The following PPARGC1A variants were observed in gnomAD, a reference collection of about 807,000 sequenced individuals.
PPARGC1A encodes peroxisome proliferator-activated receptor gamma coactivator 1-alpha.
In PPARGC1A, 25 loss-of-function variants were observed where a neutral mutation model predicts 88.7. That is an observed-to-expected ratio of 0.28 (90% CI 0.21 to 0.39). The LOEUF (loss-of-function observed/expected upper bound fraction) is 0.39, where lower values mean the gene tolerates loss of function less well. PPARGC1A is among the 10% of genes least tolerant of loss of function. The pLI, the probability that PPARGC1A is intolerant of heterozygous loss-of-function variation, is 1.00. For synonymous variants in PPARGC1A, 363 were observed against 355.6 expected, an observed-to-expected ratio of 1.02 and a Z score of -0.24; for missense variants, 880 against 968.7, an observed-to-expected ratio of 0.91 and a Z score of 1.22.
At chr4:23,918,856 A>C in the PPARGC1A span, among the ~76,000 whole-genome samples, 1 of 152,208 alleles carries the variant, frequency 6.6e-6, no homozygotes, top group Non-Finnish European at 1.5e-5. Context: ...TAAAGATAGG[A>C]GCAAGCGGCC....
chr4:24,387,826 G>GAA, the PPARGC1A span, among the ~76,000 whole-genome samples: 724 of 52,796 alleles, frequency 0.014, 30 homozygotes, highest in Admixed American at 0.02. Flanking sequence ...GAAAGAAAGA[G>GAA]AGAAAGAGAG....
chr4:23,852,629 G>GC (rs1560446362), intron 2 of PPARGC1A, among the ~76,000 whole-genome samples: 1 of 150,386 alleles, frequency 6.6e-6, no homozygotes, highest in Non-Finnish European at 1.5e-5. Flanking sequence ...AGTTTTCTCC[G>GC]TTTTTTTTTC....
intron 2 of PPARGC1A, among the ~76,000 whole-genome samples, chr4:23,843,049 T>C (rs531450540): frequency 2.0e-5 from 3 of 152,262 alleles, no homozygotes; most frequent in South Asian, 4.1e-4. Context: ...GGTTATTCAC[T>C]TCCCGAATTT....
At chr4:24,032,828 C>G in the PPARGC1A span, among the ~76,000 whole-genome samples, 1 of 152,206 alleles carries the variant, frequency 6.6e-6, no homozygotes, top group Admixed American at 6.5e-5. Flanking sequence ...CTGAGCCCAG[C>G]ACAGACCACA....
At chr4:24,439,512 T>C in the PPARGC1A span, among the ~76,000 whole-genome samples, 56 of 152,200 alleles carry the variant, frequency 3.7e-4, no homozygotes, top group Non-Finnish European at 1.8e-4. Context: ...TTAAAAGTCA[T>C]TCAAGGAGTA....
the PPARGC1A span, among the ~76,000 whole-genome samples, chr4:24,317,540 C>T: frequency 9.3e-6 from 1 of 108,042 alleles, no homozygotes; most frequent in Non-Finnish European, 1.8e-5. Context: ...TTGAGGAGCC[C>T]AGTGTTCAGA....
At chr4:24,055,808 G>A in the PPARGC1A span, among the ~76,000 whole-genome samples, 2 of 151,992 alleles carry the variant, frequency 1.3e-5, no homozygotes, top group African/African-American at 4.8e-5. Context: ...AAGCATTGCT[G>A]TACCCTCCTA....
the PPARGC1A span, among the ~76,000 whole-genome samples, chr4:24,414,035 C>A: frequency 6.6e-6 from 1 of 152,164 alleles, no homozygotes; most frequent in Non-Finnish European, 1.5e-5. Flanking sequence ...GTCTCCAAAG[C>A]CCATGCTCTG....
chr4:24,054,911 C>A, the PPARGC1A span, among the ~76,000 whole-genome samples: 10 of 152,180 alleles, frequency 6.6e-5, no homozygotes, highest in Non-Finnish European at 1.3e-4. Flanking sequence ...GTAATAAGCA[C>A]AATATTACTA....
At chr4:24,202,671 G>A in the PPARGC1A span, among the ~76,000 whole-genome samples, 1 of 152,050 alleles carries the variant, frequency 6.6e-6, no homozygotes, top group African/African-American at 2.4e-5. Context: ...GGGACACAGG[G>A]GACACTGCCC....
chr4:24,229,587 C>T, the PPARGC1A span, among the ~76,000 whole-genome samples: 1 of 150,814 alleles, frequency 6.6e-6, no homozygotes, highest in African/African-American at 2.4e-5. Flanking sequence ...AATCCCAACA[C>T]TTTGGGAGGC....
intron 2 of PPARGC1A, among the ~76,000 whole-genome samples, chr4:23,869,413 G>C (rs1015473549): frequency 1.3e-5 from 2 of 152,100 alleles, no homozygotes; most frequent in Non-Finnish European, 2.9e-5. Context: ...CCCGACCAAG[G>C]CTCTGGGTCC....
At chr4:23,814,677 C>G in intron 7 of PPARGC1A, 72 bp from the exon 8 acceptor site, 2 of 1,296,650 alleles carry the variant, frequency 1.5e-6, no homozygotes, top group South Asian at 3.2e-5. Context: ...TTCTTAAATG[C>G]GAAGACACAT....
chr4:24,011,264 C>A, the PPARGC1A span, among the ~76,000 whole-genome samples: 1 of 152,128 alleles, frequency 6.6e-6, no homozygotes, highest in Non-Finnish European at 1.5e-5. Context: ...AAGGCACCTG[C>A]GTATGGACTT....
Position 23,813,121 on chromosome 4 carries a change from A to G in PPARGC1A, c.1798T>C (p.Cys600Arg), listed in dbSNP as rs781748300. The G allele has an allele frequency of 3.1e-6, 5 of 1,613,856 alleles. No homozygotes were observed. The highest frequency in any genetic ancestry group is 1.3e-5 in the African/African-American group (1 of 74,898). The change falls in exon 9 of 13, where the codon TGC becomes CGC. Residue 600 changes from cysteine to arginine, a missense_variant. Transcript: ENST00000264867. ...TAGTGGCTTGACTCATAGTAATAGC[A>G]GGATCTGCGCCAGAGGAGAAAAGCA... ...SPGSRSSSRS[C>R]YYYESSHYRH...
chr4:24,290,087 A>C, the PPARGC1A span, among the ~76,000 whole-genome samples: 1 of 151,866 alleles, frequency 6.6e-6, no homozygotes. Context: ...ACGGGGAAAA[A>C]CCCACCCCCA....
chr4:23,859,908 C>A (rs76747990), intron 2 of PPARGC1A, among the ~76,000 whole-genome samples: 4,881 of 151,822 alleles, frequency 0.032, 268 homozygotes, highest in African/African-American at 0.11. Flanking sequence ...AAGGAATATT[C>A]AAGTAGCACA....
chr4:24,014,205 C>T, the PPARGC1A span, among the ~76,000 whole-genome samples: 1 of 152,156 alleles, frequency 6.6e-6, no homozygotes, highest in African/African-American at 2.4e-5. Flanking sequence ...AGTTCACGTA[C>T]AGTTGCAAAA....
chr4:24,114,510 C>G, the PPARGC1A span, among the ~76,000 whole-genome samples: 1 of 152,200 alleles, frequency 6.6e-6, no homozygotes, highest in Non-Finnish European at 1.5e-5. Context: ...TGAGTGGTGG[C>G]AGCTCCACAC....
Sources: gnomAD v4.1 joint callset for allele counts (sites outside exome capture counted in the v4.1 genomes callset) on GRCh38, gnomAD v4.1.1 for gene constraint, MANE v1.5 for transcripts, NCBI Gene and HGNC (gene_info 2026-07-23, HGNC 2026-07-21) for gene names.